Variants in FMNL2 observed in about 807,000 individuals in gnomAD.
FMNL2 encodes formin-like protein 2.
In FMNL2, 51 loss-of-function variants were observed where a neutral mutation model predicts 130.2. The ratio of observed to expected loss-of-function variants is 0.39; its 90% CI spans 0.31 to 0.49. The LOEUF (loss-of-function observed/expected upper bound fraction) is 0.49. Ranked by LOEUF, FMNL2 falls within the 20% of genes least tolerant of loss-of-function variation. The probability of loss-of-function intolerance (pLI) is 0.85; values close to 1 mark genes in which losing one functional copy is unlikely to be tolerated. For synonymous variants in FMNL2, 465 were observed against 467.1 expected (o/e 1.00, Z 0.06); for missense variants, 977 against 1,316.2 (o/e 0.74, Z 3.99).
At chr2:152,503,942 C>T (rs751632711) in intron 1 of FMNL2, among the ~76,000 whole-genome samples, 9 of 152,196 alleles carry the variant, frequency 5.9e-5, no homozygotes, top group Non-Finnish European at 1.2e-4. Context: ...GTAACCTCTG[C>T]GCTTTGGGAG....
intron 1 of FMNL2, among the ~76,000 whole-genome samples, chr2:152,381,810 C>CTTTTT (rs3047878): frequency 2.0e-5 from 3 of 149,910 alleles, no homozygotes. Context: ...CAAAGCAGAA[C>CTTTTT]TTTTTTTTTT....
At chr2:152,521,539 A>C (rs1205499473) in intron 1 of FMNL2, among the ~76,000 whole-genome samples, 1 of 151,970 alleles carries the variant, frequency 6.6e-6, no homozygotes, top group Non-Finnish European at 1.5e-5. Context: ...ATTTGAATCT[A>C]TCAGTGATTC....
intron 1 of FMNL2, among the ~76,000 whole-genome samples, chr2:152,438,116 A>T (rs548851452): frequency 1.5e-3 from 223 of 152,358 alleles, no homozygotes; most frequent in African/African-American, 5.1e-3. Flanking sequence ...AGCATTTGAC[A>T]TGTGAAGAAA....
chr2:152,598,961 A>G (rs1280072606), intron 9 of FMNL2, among the ~76,000 whole-genome samples: 1 of 152,196 alleles, frequency 6.6e-6, no homozygotes, highest in African/African-American at 2.4e-5. Context: ...AGTAAGAGCA[A>G]GTGGTGTAAG....
At chr2:152,515,377 T>C in intron 1 of FMNL2, among the ~76,000 whole-genome samples, 1 of 152,192 alleles carries the variant, frequency 6.6e-6, no homozygotes, top group Admixed American at 6.5e-5. Flanking sequence ...TATATATTGA[T>C]TTGACACTGT....
chr2:152,533,570 T>C (rs1693827119), intron 2 of FMNL2, among the ~76,000 whole-genome samples: 3 of 120,290 alleles, frequency 2.5e-5, no homozygotes, highest in Non-Finnish European at 5.5e-5. Context: ...TTTTTTTTGC[T>C]AAATTATTTT....
At position 152,521,975 on chromosome 2, in the gene FMNL2, G is replaced by A. The variant is rs1693120516; in HGVS notation, c.150G>A (p.Arg50=). 6.2e-7 allele frequency: 1 copy of A among 1,612,752 alleles called. No individual in the cohort carries two copies. The highest frequency in any genetic ancestry group is 8.5e-7 in the Non-Finnish European group (1 of 1,179,580). Residue 50 remains arginine, a synonymous_variant, in exon 2 of 26, where the codon AGG becomes AGA. Transcript: ENST00000288670. ...NAMNLPPDKA[R]LLRQYDNEKK... is the part of the protein sequence containing the mutation. ...TGAACCTACCTCCTGACAAAGCCAGGTTACTGCGGCAGTATGATAATGAGA... is the reference window on the plus strand; with the variant it reads ...TGAACCTACCTCCTGACAAAGCCAGATTACTGCGGCAGTATGATAATGAGA...
chr2:152,474,341 A>G (rs1323518512), intron 1 of FMNL2, among the ~76,000 whole-genome samples: 1 of 152,220 alleles, frequency 6.6e-6, no homozygotes, highest in Admixed American at 6.5e-5. Context: ...CTCTAAATGT[A>G]AAGCTTTTTA....
chr2:152,574,997 C>A, intron 6 of FMNL2, 139 bp from the exon 7 acceptor site: 1 of 560,940 alleles, frequency 1.8e-6, no homozygotes, highest in Non-Finnish European at 3.2e-6. Context: ...TGAAATCAAT[C>A]TTACTGTTGC....
At chr2:152,545,683 T>C (rs894786204) in intron 3 of FMNL2, among the ~76,000 whole-genome samples, 1 of 152,194 alleles carries the variant, frequency 6.6e-6, no homozygotes, top group Non-Finnish European at 1.5e-5. Context: ...CAGGCCTCCC[T>C]TGATGGGGAG....
chr2:152,454,077 C>A (rs1191104916), intron 1 of FMNL2, among the ~76,000 whole-genome samples: 2 of 152,032 alleles, frequency 1.3e-5, no homozygotes, highest in Non-Finnish European at 2.9e-5. Context: ...AGTTCGAGAC[C>A]AGCCTGGCCA....
intron 9 of FMNL2, among the ~76,000 whole-genome samples, chr2:152,594,628 T>C (rs967023805): frequency 6.6e-6 from 1 of 152,214 alleles, no homozygotes; most frequent in East Asian, 1.9e-4. Flanking sequence ...TGAGGACTTG[T>C]CTGTGGAAGA....
At chr2:152,511,352 TA>T (rs1692487724) in intron 1 of FMNL2, among the ~76,000 whole-genome samples, 2 of 152,256 alleles carry the variant, frequency 1.3e-5, no homozygotes, top group East Asian at 3.9e-4. Flanking sequence ...TTTTAATATG[TA>T]AGGAAAATTC....
chr2:152,543,281 G>A (rs2105499060), intron 3 of FMNL2, among the ~76,000 whole-genome samples: 1 of 142,822 alleles, frequency 7.0e-6, no homozygotes, highest in African/African-American at 2.6e-5. Context: ...CCCAACCCCT[G>A]CCCCTGGCCT....
intron 9 of FMNL2, among the ~76,000 whole-genome samples, chr2:152,604,541 G>A (rs535967597): frequency 7.0e-6 from 1 of 142,206 alleles, no homozygotes; most frequent in South Asian, 2.5e-4. Flanking sequence ...AATTCAGGAT[G>A]GCCTCTTTTC....
intron 1 of FMNL2, among the ~76,000 whole-genome samples, chr2:152,393,027 C>T (rs552402921): frequency 6.6e-6 from 1 of 152,192 alleles, no homozygotes; most frequent in African/African-American, 2.4e-5. Flanking sequence ...GGTTACTTTC[C>T]TCTCCTTGAT....
intron 8 of FMNL2, among the ~76,000 whole-genome samples, chr2:152,579,802 A>G (rs1311098832): frequency 1.3e-5 from 2 of 152,208 alleles, no homozygotes; most frequent in African/African-American, 4.8e-5. Flanking sequence ...TTCACATCAC[A>G]CGTTAGTCGT....
chr2:152,549,000 A>C, intron 3 of FMNL2, 21 bp from the exon 4 acceptor site: 1 of 1,581,310 alleles, frequency 6.3e-7, no homozygotes, highest in East Asian at 2.3e-5. Context: ...TTTTGTGAGA[A>C]TATGTGTTCT....
chr2:152,373,344 T>C (rs969668998), intron 1 of FMNL2, among the ~76,000 whole-genome samples: 2 of 152,116 alleles, frequency 1.3e-5, no homozygotes, highest in Admixed American at 6.6e-5. Context: ...CCATGAACAG[T>C]TGGGGGGAGT....
Sources: gnomAD v4.1 joint callset for allele counts (sites outside exome capture counted in the v4.1 genomes callset) on GRCh38, gnomAD v4.1.1 for gene constraint, MANE v1.5 for transcripts, NCBI Gene and HGNC (gene_info 2026-07-23, HGNC 2026-07-21) for gene names.